The following SYNE2 variants were observed in gnomAD, a reference collection of about 807,000 sequenced individuals.
The protein encoded by SYNE2 is nesprin-2.
SYNE2 carries 431 observed loss-of-function variants against 856.3 expected under a neutral mutation model. The observed-to-expected ratio is 0.50, with a 90% CI of 0.47 to 0.55. The LOEUF (loss-of-function observed/expected upper bound fraction) is 0.55, where lower values mean the gene tolerates loss of function less well. Ranked by LOEUF, SYNE2 falls within the 20% of genes least tolerant of loss-of-function variation. The pLI is 0.00. For synonymous variants in SYNE2, 2,923 were observed against 2,872.3 expected, an observed-to-expected ratio of 1.02 and a Z score of -0.56; for missense variants, 8,129 against 8,023.2, an observed-to-expected ratio of 1.01 and a Z score of -0.50.
chr14:64,119,730 A>C, intron 67 of SYNE2, 121 bp downstream of exon 67: 4 of 948,550 alleles, frequency 4.2e-6, no homozygotes, highest in Non-Finnish European at 6.3e-6. Flanking sequence ...GTGTGAAAGA[A>C]TTTCACACAT....
chr14:63,814,060 AAACAACAACAACAAC>A (rs71120290), intron 1 of SYNE2, among the ~76,000 whole-genome samples: 5 of 149,894 alleles, frequency 3.3e-5, no homozygotes, highest in African/African-American at 1.2e-4. Flanking sequence ...TCTGTCTCAA[AAACAACAACAACAAC>A]AACAACAACA....
intron 1 of SYNE2, among the ~76,000 whole-genome samples, chr14:63,877,467 G>A (rs375740352): frequency 3.3e-5 from 5 of 152,212 alleles, no homozygotes; most frequent in Admixed American, 6.5e-5. Context: ...GCTGAGAGGT[G>A]GTTAATTTGG....
At chr14:63,967,631 T>C in intron 10 of SYNE2, 78 bp from the exon 11 acceptor site, 1 of 1,461,572 alleles carries the variant, frequency 6.8e-7, no homozygotes, top group Non-Finnish European at 9.4e-7. Context: ...CCTATACCTA[T>C]AGACCTCAAA....
rs774615112 is a variant in SYNE2 at position 64,016,623 on chromosome 14, TG to T, written c.4881del (p.Trp1627CysfsTer4). On this transcript the variant is annotated frameshift_variant, in exon 33 of 116. Transcript: ENST00000555002. LOFTEE classifies it high-confidence loss of function. The stretch of plus-strand genomic sequence containing the variant: ...AGAGGCTAATATTATTGTGGATAGA[TG>T]GCTTGATGTAAGTGATAATTTCATT... ...EKEANIIVDRWLDINEKTEDY... is the reference protein window; with the variant it reads ...EKEANIIVDRXLDINEKTEDY... The T allele has an allele frequency of 6.3e-7, 1 of 1,591,682 alleles. No homozygotes were observed. Among genetic ancestry groups the T allele is most frequent in the Non-Finnish European group, 8.6e-7 (1 of 1,163,312 alleles).
intron 1 of SYNE2, among the ~76,000 whole-genome samples, chr14:63,780,361 T>A (rs1212202654): frequency 5.9e-5 from 9 of 151,978 alleles, no homozygotes; most frequent in Admixed American, 5.9e-4. Context: ...TGGCGAAACC[T>A]CATCTCTACT....
At chr14:64,125,621 G>A (rs914096135) in intron 71 of SYNE2, among the ~76,000 whole-genome samples, 7 of 152,122 alleles carry the variant, frequency 4.6e-5, no homozygotes, top group African/African-American at 1.7e-4. Context: ...GGCCCAAGTT[G>A]GAGTGATGAC....
At chr14:64,126,176 G>T in intron 71 of SYNE2, 151 bp from the exon 72 acceptor site, 1 of 671,810 alleles carries the variant, frequency 1.5e-6, no homozygotes, top group Non-Finnish European at 2.6e-6. Flanking sequence ...TTATTTATTT[G>T]TTCTGCTACC....
rs1311175400 is a variant in SYNE2 at position 64,132,423 on chromosome 14, G to T, written c.14499G>T (p.Leu4833=). 1.2e-6 allele frequency: 2 copies of T among 1,614,200 alleles called. No individual in the cohort carries two copies. The highest frequency in any genetic ancestry group is 8.5e-7 in the Non-Finnish European group (1 of 1,180,032). The change falls in exon 77 of 116, where the codon CTG becomes CTT. Residue 4833 remains leucine, a synonymous_variant. Transcript: ENST00000555002. ...AGTCACGCCAATGTGGTATGAAGCT[G>T]CAGAGTTTGTTGCAGGTATTTGGGT... The part of the protein sequence containing the change: ...EEKSRQCGMK[L]QSLLQKWEEF...
chr14:64,113,100 T>C, intron 65 of SYNE2: 1 of 985,438 alleles, frequency 1.0e-6, no homozygotes, highest in Non-Finnish European at 1.2e-6. Flanking sequence ...TGAGCCTGTT[T>C]GCGTCCTCTG....
At chr14:64,103,092 G>C (rs1239858835) in intron 64 of SYNE2, among the ~76,000 whole-genome samples, 1 of 152,156 alleles carries the variant, frequency 6.6e-6, no homozygotes, top group African/African-American at 2.4e-5. Context: ...TGGCTACCGT[G>C]AATCTTTGAA....
intron 35 of SYNE2, among the ~76,000 whole-genome samples, chr14:64,020,323 A>G (rs995461008): frequency 6.6e-6 from 1 of 152,180 alleles, no homozygotes; most frequent in Non-Finnish European, 1.5e-5. Context: ...AATAGCAAAA[A>G]AATTTCATAA....
At chr14:64,216,080 T>TTGCA in intron 107 of SYNE2, 168 bp from the exon 108 acceptor site, 2 of 1,514,856 alleles carry the variant, frequency 1.3e-6, no homozygotes, top group Non-Finnish European at 1.8e-6. Flanking sequence ...TGTTGCTGAG[T>TTGCA]TGCATGACTC....
At chr14:63,884,071 A>C (rs2094927327) in intron 1 of SYNE2, among the ~76,000 whole-genome samples, 1 of 152,170 alleles carries the variant, frequency 6.6e-6, no homozygotes, top group Non-Finnish European at 1.5e-5. Flanking sequence ...AAGCTTAGAG[A>C]GGAGCCACAG....
In SYNE2 at chr14:64,186,354, G is replaced by T. The variant is rs1345416030; in HGVS notation, c.17557-70G>T. ...CCCCCAGAGTCTAATCAAAGGATTA[G>T]CCTACAGGTTTGGAAACAACAGCCG... On this transcript the variant is annotated intron_variant, in intron 96 of 115. Transcript: ENST00000555002. The T allele has an allele frequency of 2.5e-6, 4 of 1,596,078 alleles. No individual in the cohort carries two copies. The Admixed American group carries it at 6.7e-5, about 27-fold the overall frequency.
At chr14:63,975,293 G>A (rs962057706) in intron 11 of SYNE2, among the ~76,000 whole-genome samples, 1 of 151,304 alleles carries the variant, frequency 6.6e-6, no homozygotes, top group East Asian at 1.9e-4. Context: ...GTTTCTTTTC[G>A]TTTTATGTTT....
At chr14:63,868,425 A>G (rs1024175200) in intron 1 of SYNE2, among the ~76,000 whole-genome samples, 4 of 150,856 alleles carry the variant, frequency 2.7e-5, no homozygotes, top group African/African-American at 7.3e-5. Flanking sequence ...CAGTGAGCCG[A>G]GATCATGCCA....
rs536877053 is a variant in SYNE2 at position 64,056,235 on chromosome 14, G to A, written c.10036G>A (p.Ala3346Thr). 8.7e-6 allele frequency: 14 copies of A among 1,613,970 alleles called. No homozygotes were observed. The South Asian group carries it at 8.8e-5, about 10-fold the overall frequency. ...TTCTAAGAACTCAGCAATGAAGGAA[G>A]CTTTCAAAGCACAGGAAACTGAGGC... ...LVSKNSAMKE[A>T]FKAQETEAER... Residue 3346 changes from alanine (A) to threonine (T), a missense_variant, in exon 49 of 116, where the codon GCT (alanine) becomes ACT (threonine). Ala to Thr is a moderately conservative substitution (Grantham distance 58). Transcript: ENST00000555002.
intron 84 of SYNE2, among the ~76,000 whole-genome samples, chr14:64,150,927 T>C (rs2098236086): frequency 6.6e-6 from 1 of 152,168 alleles, no homozygotes; most frequent in African/African-American, 2.4e-5. Flanking sequence ...CTGGGTGCCT[T>C]TGTAACCAGT....
At chr14:64,122,454 T>C (rs1567366189) in intron 70 of SYNE2, 27 bp downstream of exon 70, 2 of 1,614,086 alleles carry the variant, frequency 1.2e-6, no homozygotes, top group Non-Finnish European at 1.7e-6. Flanking sequence ...ATGGTGCAAA[T>C]AGCCTGTTTA....
Sources: allele counts gnomAD v4.1 joint callset (sites outside exome capture counted in the v4.1 genomes callset), GRCh38; gene constraint gnomAD v4.1.1; transcripts MANE v1.5; gene names NCBI Gene and HGNC (gene_info 2026-07-23, HGNC 2026-07-21).